ITGBL1: variants seen among roughly 807,000 people sequenced by gnomAD.
The protein encoded by ITGBL1 is integrin beta-like protein 1.
A neutral mutation model predicts 68.5 loss-of-function variants in ITGBL1; 51 were observed. The observed-to-expected ratio is 0.74, with a 90% confidence interval of 0.59 to 0.94. The LOEUF is 0.94. Ranked by LOEUF, ITGBL1 falls within the 40% of genes least tolerant of loss-of-function variation. The pLI is 0.00. For synonymous variants in ITGBL1, 209 were observed against 227.3 expected (o/e 0.92, Z 0.72); for missense variants, 649 against 647.4 (o/e 1.00, Z -0.03).
chr13:101,557,863 G>T (rs1414554048), intron 2 of ITGBL1, among the ~76,000 whole-genome samples: 1 of 151,948 alleles, frequency 6.6e-6, no homozygotes, highest in African/African-American at 2.4e-5. Flanking sequence ...GGCCGAGGTG[G>T]GCGGATCATG....
intron 6 of ITGBL1, among the ~76,000 whole-genome samples, chr13:101,596,233 A>G (rs559451893): frequency 2.1e-4 from 32 of 152,294 alleles, no homozygotes; most frequent in African/African-American, 7.5e-4. Flanking sequence ...GAATCTAAAA[A>G]CGTTGAACTC....
chr13:101,595,202 C>T (rs995642326), intron 6 of ITGBL1, among the ~76,000 whole-genome samples: 3 of 152,184 alleles, frequency 2.0e-5, no homozygotes, highest in African/African-American at 7.2e-5. Flanking sequence ...AGCTTCTGAT[C>T]ATGGCTGAAA....
chr13:101,514,806 A>G (rs2049169597), intron 2 of ITGBL1, among the ~76,000 whole-genome samples: 1 of 152,072 alleles, frequency 6.6e-6, no homozygotes, highest in South Asian at 2.1e-4. Flanking sequence ...ACCCTCACTT[A>G]TTCCAACTTA....
chr13:101,681,606 C>T (rs2033643974), intron 7 of ITGBL1, among the ~76,000 whole-genome samples: 1 of 152,166 alleles, frequency 6.6e-6, no homozygotes, highest in Non-Finnish European at 1.5e-5. Flanking sequence ...TTAGTCCCTG[C>T]TGGTTTGAAA....
chr13:101,457,228 T>G (rs2048256689), intron 2 of ITGBL1, among the ~76,000 whole-genome samples: 1 of 152,046 alleles, frequency 6.6e-6, no homozygotes, highest in Admixed American at 6.6e-5. Context: ...AGATGACAGA[T>G]GGGTAGATAG....
In ITGBL1 at chr13:101,602,662, C is replaced by G. The variant is rs1433136882; in HGVS notation, c.1015+4363C>G. 1.8e-4 allele frequency among the ~76,000 whole-genome samples: 27 copies of G among 151,922 alleles called. No homozygotes were observed. The Admixed American group carries it at 1.8e-3, about 10-fold the overall frequency. Reference sequence around the variant, plus strand: ...TAACATAATTATGCAGCCATCACCACTGTCCAATTCCAAAAAAAAAGTTTA... The same window carrying G: ...TAACATAATTATGCAGCCATCACCAGTGTCCAATTCCAAAAAAAAAGTTTA... On this transcript the variant is annotated intron_variant, in intron 7 of 10. Coordinates refer to ENST00000376180, the MANE Select transcript of ITGBL1 (RefSeq NM_004791.3).
chr13:101,453,757 C>A (rs1594817113), intron 1 of ITGBL1, 126 bp from the exon 2 acceptor site: 2 of 497,692 alleles, frequency 4.0e-6, no homozygotes, highest in South Asian at 2.1e-4. Context: ...ATGTGGGCCT[C>A]AGGCGTCCTG....
rs377164312 is a variant in ITGBL1 at position 101,634,292 on chromosome 13, A to C, written c.1015+35993A>C. Among the ~76,000 whole-genome samples, 1,282 of 152,268 alleles carry C rather than the reference A, an allele frequency of 8.4e-3. 12 individuals carry two copies. The highest frequency in any genetic ancestry group is 0.014 in the Middle Eastern group (4 of 294). On this transcript the variant is annotated intron_variant, in intron 7 of 10. Transcript: ENST00000376180. ...GATCTTTGAAAGTGGAAGATGATAG[A>C]CTCCAATGGGGAGATGACCTTAGCC...
chr13:101,666,362 G>A (rs968445546), intron 7 of ITGBL1, among the ~76,000 whole-genome samples: 1 of 152,074 alleles, frequency 6.6e-6, no homozygotes, highest in Non-Finnish European at 1.5e-5. Context: ...GACCGCACTG[G>A]TTTATCCGGT....
intron 2 of ITGBL1, among the ~76,000 whole-genome samples, chr13:101,471,548 G>GTA (rs2048460375): frequency 7.1e-6 from 1 of 140,494 alleles, no homozygotes; most frequent in African/African-American, 2.7e-5. Flanking sequence ...GTGTGTGTGT[G>GTA]TGTGTGTGTG....
chr13:101,667,917 C>T (rs1226913333), intron 7 of ITGBL1, among the ~76,000 whole-genome samples: 1 of 150,554 alleles, frequency 6.6e-6, no homozygotes, highest in African/African-American at 2.4e-5. Flanking sequence ...AAAAAAACCC[C>T]AAATGCCTTT....
intron 7 of ITGBL1, among the ~76,000 whole-genome samples, chr13:101,685,587 T>G (rs1384229572): frequency 6.6e-6 from 1 of 152,120 alleles, no homozygotes; most frequent in Non-Finnish European, 1.5e-5. Flanking sequence ...CACTCCCTGT[T>G]AACCATAATG....
chr13:101,671,265 A>T (rs2033351484), intron 7 of ITGBL1, among the ~76,000 whole-genome samples: 2 of 152,160 alleles, frequency 1.3e-5, no homozygotes, highest in Non-Finnish European at 2.9e-5. Flanking sequence ...CAGAACAAAA[A>T]TTAATTACAT....
chr13:101,452,986 C>CAGG, intron 1 of ITGBL1, 55 bp downstream of exon 1: 1 of 1,447,028 alleles, frequency 6.9e-7, no homozygotes, highest in South Asian at 1.1e-5. Flanking sequence ...TGTGGCAGGG[C>CAGG]TCAAGCTTGC....
chr13:101,453,958 G>GGGGGCCGCGCTGTGCCACGGCC lies in ITGBL1; in HGVS notation c.183_204dup (p.Cys69AlafsTer19). The GGGGGCCGCGCTGTGCCACGGCC allele has an allele frequency of 1.3e-6, 2 of 1,494,450 alleles. No homozygotes were observed. Among genetic ancestry groups the GGGGGCCGCGCTGTGCCACGGCC allele is most frequent in the Non-Finnish European group, 1.8e-6 (2 of 1,116,448 alleles). The allele number at this position is 1,494,450 out of a possible 1,614,324, so 92.6% of individuals were successfully genotyped here. A position where few individuals can be genotyped will look rare whatever the true frequency, so the allele number is the denominator to read the frequency against. ...GCTGCCGCGCACCTGGGCAGCCCCC[G>GGGGGCCGCGCTGTGCCACGGCC]GGGGCCGCGCTGTGCCACGGCCGGG... On this transcript the variant is annotated frameshift_variant, in exon 2 of 11. Transcript: ENST00000376180. LOFTEE classifies it high-confidence loss of function.
intron 7 of ITGBL1, among the ~76,000 whole-genome samples, chr13:101,631,714 TG>T (rs1427434870): frequency 6.6e-6 from 1 of 152,204 alleles, no homozygotes; most frequent in Non-Finnish European, 1.5e-5. Flanking sequence ...ATGAAAATTT[TG>T]CTCCATTATT....
rs561972236 is a variant in ITGBL1 at position 101,540,003 on chromosome 13, G to A, written c.317-27696G>A. Reference sequence around the variant, plus strand: ...AAAATTTTCTCCCATTCTGTAGGTTGCCTATTCACTCTGATGGTGGCTTAT... The same window carrying A: ...AAAATTTTCTCCCATTCTGTAGGTTACCTATTCACTCTGATGGTGGCTTAT... On this transcript the variant is annotated intron_variant, in intron 2 of 10. Coordinates refer to ENST00000376180, the MANE Select transcript of ITGBL1 (RefSeq NM_004791.3). 2.0e-5 allele frequency among the ~76,000 whole-genome samples: 3 copies of A among 152,218 alleles called. No homozygotes were observed. The East Asian group carries it at 5.8e-4, about 29-fold the overall frequency.
chr13:101,507,901 T>C (rs1415005346), intron 2 of ITGBL1, among the ~76,000 whole-genome samples: 1 of 152,164 alleles, frequency 6.6e-6, no homozygotes, highest in Non-Finnish European at 1.5e-5. Flanking sequence ...CAAGGGAGTA[T>C]GGGAATGTAG....
intron 7 of ITGBL1, among the ~76,000 whole-genome samples, chr13:101,604,887 T>TACACACACACAC (rs1555361670): frequency 0.074 from 1,643 of 22,088 alleles, 195 homozygotes; most frequent in East Asian, 0.13. Flanking sequence ...TATATATATA[T>TACACACACACAC]ACACACACAC....
Sources: allele counts gnomAD v4.1 joint callset (sites outside exome capture counted in the v4.1 genomes callset), GRCh38; gene constraint gnomAD v4.1.1; transcripts MANE v1.5; gene names NCBI Gene and HGNC (gene_info 2026-07-23, HGNC 2026-07-21).